Variants in RTN4 observed in about 807,000 individuals in gnomAD.
The protein encoded by RTN4 is reticulon 4, also known as reticulon-4.
RTN4 carries 32 observed loss-of-function variants against 90.4 expected under a neutral mutation model. That is an observed-to-expected ratio of 0.35 (90% CI 0.27 to 0.48). RTN4 has a LOEUF of 0.48. Ranked by LOEUF, RTN4 falls within the 20% of genes least tolerant of loss-of-function variation. RTN4 has a pLI of 0.99. For missense variants in RTN4, 1,706 were observed against 1,430.2 expected (o/e 1.19, Z -3.11); for synonymous variants, 629 against 552.5 (o/e 1.14, Z -1.94).
At chr2:55,006,215 A>G (rs568152965) in intron 3 of RTN4, among the ~76,000 whole-genome samples, 6 of 152,236 alleles carry the variant, frequency 3.9e-5, no homozygotes, top group East Asian at 3.9e-4. Context: ...TAAATTCTCT[A>G]TAACACATAC....
intron 3 of RTN4, among the ~76,000 whole-genome samples, chr2:55,007,705 C>G (rs1319007170): frequency 1.3e-5 from 2 of 151,986 alleles, no homozygotes; most frequent in African/African-American, 4.8e-5. Flanking sequence ...AGGTCACGAC[C>G]CAAGGAATCT....
At chr2:55,132,275 G>A in the RTN4 span, among the ~76,000 whole-genome samples, 4 of 152,116 alleles carry the variant, frequency 2.6e-5, no homozygotes, top group African/African-American at 9.7e-5. Flanking sequence ...GGCTGAGGCG[G>A]GCGAATCACC....
chr2:55,129,275 T>G, the RTN4 span, among the ~76,000 whole-genome samples: 2 of 151,856 alleles, frequency 1.3e-5, no homozygotes, highest in Non-Finnish European at 2.9e-5. Context: ...TGTTTTCTCA[T>G]CAGATTAGCA....
chr2:55,023,667 C>G (rs536832791), intron 3 of RTN4, among the ~76,000 whole-genome samples: 28 of 152,204 alleles, frequency 1.8e-4, no homozygotes, highest in Non-Finnish European at 3.1e-4. Context: ...ACTGCATACT[C>G]TCCTTCCTGC....
At chr2:55,083,300 A>G (rs1287572202) in intron 1 of RTN4, among the ~76,000 whole-genome samples, 2 of 152,226 alleles carry the variant, frequency 1.3e-5, no homozygotes, top group African/African-American at 4.8e-5. Flanking sequence ...GTTTGAGACC[A>G]GCCTGGCCAA....
intron 2 of RTN4, among the ~76,000 whole-genome samples, chr2:55,066,349 C>G (rs1668393589): frequency 6.6e-6 from 1 of 152,074 alleles, no homozygotes; most frequent in Non-Finnish European, 1.5e-5. Context: ...GGGGTTTGTA[C>G]ATAAACTCTT....
chr2:55,049,041 A>G (rs1470598583), intron 1 of RTN4: 1 of 946,298 alleles, frequency 1.1e-6, no homozygotes, highest in Non-Finnish European at 1.3e-6. Flanking sequence ...AGCAGTCCAC[A>G]TCACACCCCG....
At chr2:55,106,872 T>C (rs1667952922) in intron 1 of RTN4, among the ~76,000 whole-genome samples, 1 of 152,192 alleles carries the variant, frequency 6.6e-6, no homozygotes, top group East Asian at 1.9e-4. Context: ...AGTGATTCTT[T>C]GAATGTTTAA....
intron 5 of RTN4, among the ~76,000 whole-genome samples, 176 bp downstream of exon 5, chr2:54,982,339 A>G (rs1296014210): frequency 2.0e-5 from 3 of 152,184 alleles, no homozygotes; most frequent in African/African-American, 7.2e-5. Flanking sequence ...AAAAAAGGGA[A>G]TAGCACTTCT....
chr2:55,116,091 CT>C (rs5831339), upstream of RTN4, among the ~76,000 whole-genome samples: 10,276 of 105,278 alleles, frequency 0.098, 394 homozygotes, highest in East Asian at 0.2. Flanking sequence ...GGGGACTAGT[CT>C]TTTTTTTTTT....
At chr2:54,999,648 C>T (rs910023015) in intron 3 of RTN4, among the ~76,000 whole-genome samples, 1 of 151,872 alleles carries the variant, frequency 6.6e-6, no homozygotes, top group Non-Finnish European at 1.5e-5. Flanking sequence ...AATATTAGAA[C>T]GGTATTAAAA....
intron 3 of RTN4, among the ~76,000 whole-genome samples, chr2:54,992,155 C>G (rs1679061878): frequency 6.6e-6 from 1 of 152,150 alleles, no homozygotes; most frequent in African/African-American, 2.4e-5. Flanking sequence ...GACCCCTCAT[C>G]TCTTAAACAA....
At chr2:55,038,245 A>AG (rs1174526585) in intron 1 of RTN4, among the ~76,000 whole-genome samples, 9 of 152,186 alleles carry the variant, frequency 5.9e-5, no homozygotes, top group Non-Finnish European at 1.0e-4. Context: ...GACATCACAA[A>AG]GAAAGCACTA....
At chr2:54,998,489 C>A (rs1012421557) in intron 3 of RTN4, among the ~76,000 whole-genome samples, 2 of 152,084 alleles carry the variant, frequency 1.3e-5, no homozygotes, top group Admixed American at 6.6e-5. Flanking sequence ...AATGTTTCTA[C>A]GCTTTAGACT....
chr2:54,990,489 C>T (rs1678915592), intron 3 of RTN4, among the ~76,000 whole-genome samples: 1 of 152,128 alleles, frequency 6.6e-6, no homozygotes, highest in African/African-American at 2.4e-5. Flanking sequence ...TAATAGAGTA[C>T]ATAGCATACA....
intron 3 of RTN4, among the ~76,000 whole-genome samples, chr2:54,998,964 C>T (rs1255116837): frequency 6.6e-6 from 1 of 152,182 alleles, no homozygotes; most frequent in Non-Finnish European, 1.5e-5. Context: ...TCTGTGGCCT[C>T]AACCTTACTC....
intron 3 of RTN4, among the ~76,000 whole-genome samples, chr2:55,012,287 C>T (rs1210876508): frequency 1.3e-5 from 2 of 152,152 alleles, no homozygotes; most frequent in Non-Finnish European, 2.9e-5. Context: ...AAACATTAAA[C>T]ATACTTAATA....
chr2:55,115,411 A>T (rs1182747357), upstream of RTN4, among the ~76,000 whole-genome samples: 1 of 152,154 alleles, frequency 6.6e-6, no homozygotes, highest in Non-Finnish European at 1.5e-5. Flanking sequence ...TGCTTCTCTC[A>T]TTCTCTTATA....
At chr2:55,113,386 C>T (rs1428310500), upstream of RTN4, among the ~76,000 whole-genome samples, 1 of 152,170 alleles carries the variant, frequency 6.6e-6, no homozygotes, top group East Asian at 1.9e-4. Flanking sequence ...TATCAATACT[C>T]ACAAACAACA....
Sources: gnomAD v4.1 joint callset for allele counts (sites outside exome capture counted in the v4.1 genomes callset) on GRCh38, gnomAD v4.1.1 for gene constraint, MANE v1.5 for transcripts, NCBI Gene and HGNC (gene_info 2026-07-23, HGNC 2026-07-21) for gene names.